PAPPA: variants seen among roughly 807,000 people sequenced by gnomAD.
The protein encoded by PAPPA is pappalysin 1.
Under a neutral mutation model 164.0 loss-of-function variants are expected in PAPPA, and 60 were observed. The observed-to-expected ratio is 0.37, with a 90% confidence interval of 0.30 to 0.45. PAPPA has a LOEUF of 0.45. PAPPA is among the 20% of genes least tolerant of loss of function. The probability of loss-of-function intolerance (pLI) is 1.00; values close to 1 mark genes in which losing one functional copy is unlikely to be tolerated. For synonymous variants in PAPPA, 875 were observed against 814.1 expected, an observed-to-expected ratio of 1.07 and a Z score of -1.27; for missense variants, 1,782 against 2,087.3, an observed-to-expected ratio of 0.85 and a Z score of 2.85.
intron 10 of PAPPA, among the ~76,000 whole-genome samples, chr9:116,326,475 T>G (rs1356259976): frequency 6.6e-6 from 1 of 152,190 alleles, no homozygotes; most frequent in African/African-American, 2.4e-5. Flanking sequence ...TAGACACCAT[T>G]AAATCTGTAC....
Position 116,341,694 on chromosome 9 carries a change from C to T in PAPPA, c.3612-2849C>T, listed in dbSNP as rs377175903. Among the ~76,000 whole-genome samples the T allele has an allele frequency of 1.4e-4, 22 of 152,332 alleles. 1 individual carries two copies. In the East Asian group the frequency reaches 4.0e-3, roughly 28 times the overall value. On this transcript the variant is annotated intron_variant, in intron 13 of 21. Transcript: ENST00000328252. ...CAGGCATCTTGTTTATCCCCTCCGT[C>T]CACTATATTCCCAATGTATAGAACA...
At chr9:116,292,822 G>T (rs536617690) in intron 9 of PAPPA, among the ~76,000 whole-genome samples, 2 of 152,218 alleles carry the variant, frequency 1.3e-5, no homozygotes, top group African/African-American at 2.4e-5. Context: ...AAAGAAAAAG[G>T]GGTCCCCATC....
chr9:116,395,997 G>A (rs1451291294), intron 21 of PAPPA, among the ~76,000 whole-genome samples: 2 of 152,094 alleles, frequency 1.3e-5, no homozygotes, highest in South Asian at 2.1e-4. Flanking sequence ...TACAGTGCAC[G>A]ACAATTTTCC....
At chr9:116,370,164 G>A (rs1350908194) in intron 19 of PAPPA, among the ~76,000 whole-genome samples, 1 of 152,148 alleles carries the variant, frequency 6.6e-6, no homozygotes, top group Admixed American at 6.5e-5. Context: ...TTTTATCCCC[G>A]GGGTAAGAGA....
At chr9:116,350,590 A>G (rs1037183475) in intron 15 of PAPPA, among the ~76,000 whole-genome samples, 2 of 152,248 alleles carry the variant, frequency 1.3e-5, no homozygotes, top group Admixed American at 6.5e-5. Flanking sequence ...TTTACCATAT[A>G]CATAGCTAAT....
intron 9 of PAPPA, among the ~76,000 whole-genome samples, chr9:116,292,328 G>A (rs2118869839): frequency 6.6e-6 from 1 of 152,294 alleles, no homozygotes; most frequent in African/African-American, 2.4e-5. Context: ...GGAAACAAAT[G>A]GTTGAGAAAA....
At chr9:116,223,282 C>T (rs545078580) in intron 5 of PAPPA, among the ~76,000 whole-genome samples, 3 of 152,180 alleles carry the variant, frequency 2.0e-5, no homozygotes, top group South Asian at 2.1e-4. Flanking sequence ...AAGTATCAGA[C>T]TTTTGGTCAA....
chr9:116,259,834 G>T (rs1354880855), intron 7 of PAPPA, among the ~76,000 whole-genome samples: 1 of 152,014 alleles, frequency 6.6e-6, no homozygotes, highest in Non-Finnish European at 1.5e-5. Context: ...CAGAGGAAAA[G>T]AACACAAATA....
intron 5 of PAPPA, among the ~76,000 whole-genome samples, chr9:116,224,630 G>A (rs1049181476): frequency 2.0e-5 from 3 of 152,144 alleles, no homozygotes; most frequent in South Asian, 2.1e-4. Flanking sequence ...CTGCAATAAC[G>A]GAAATATTCT....
chr9:116,268,291 C>A (rs1254581627), intron 8 of PAPPA, among the ~76,000 whole-genome samples: 2 of 152,190 alleles, frequency 1.3e-5, no homozygotes, highest in East Asian at 3.8e-4. Context: ...GTTTCCAATG[C>A]AGTAAAATTG....
At chr9:116,337,250 A>G (rs370466528) in intron 13 of PAPPA, among the ~76,000 whole-genome samples, 2 of 152,208 alleles carry the variant, frequency 1.3e-5, no homozygotes, top group African/African-American at 4.8e-5. Flanking sequence ...AGCTTGGATC[A>G]GGCTATGACA....
At position 116,189,758 on chromosome 9, in the gene PAPPA, C is replaced by T. The variant is rs927612276; in HGVS notation, c.1478+1542C>T. On this transcript the variant is annotated intron_variant, in intron 2 of 21. Coordinates refer to ENST00000328252, the MANE Select transcript of PAPPA (RefSeq NM_002581.5). Reference sequence around the variant, plus strand: ...CAGGACCCTGGACTTGCTGATGGCTCGAGCACATTTGCCGACCTCTGCAGG... The same window carrying T: ...CAGGACCCTGGACTTGCTGATGGCTTGAGCACATTTGCCGACCTCTGCAGG... Among the ~76,000 whole-genome samples, 88 of 152,198 alleles carry T rather than the reference C, an allele frequency of 5.8e-4. 2 individuals carry two copies. Among genetic ancestry groups the T allele is most frequent in the Non-Finnish European group, 1.0e-4 (7 of 68,042 alleles).
rs979908830 is a variant in PAPPA at position 116,191,890 on chromosome 9, C to T, written c.1478+3674C>T. On this transcript the variant is annotated intron_variant, in intron 2 of 21. Transcript: ENST00000328252. ...CAGGATTAAGGACAACCAACAAGGC[C>T]TTGTGCTATACTCTAGGGCGGGCAA... Among the ~76,000 whole-genome samples, 7 of 152,216 alleles carry T rather than the reference C, an allele frequency of 4.6e-5. No homozygotes were observed. In the South Asian group the frequency reaches 1.5e-3, roughly 32 times the overall value.
At chr9:116,274,925 G>A (rs1845179310) in intron 9 of PAPPA, among the ~76,000 whole-genome samples, 1 of 152,144 alleles carries the variant, frequency 6.6e-6, no homozygotes, top group African/African-American at 2.4e-5. Context: ...ACACCATTTT[G>A]CTGAGGATGG....
chr9:116,314,823 C>T (rs1477622659), intron 10 of PAPPA, among the ~76,000 whole-genome samples: 1 of 152,210 alleles, frequency 6.6e-6, no homozygotes, highest in East Asian at 1.9e-4. Flanking sequence ...CTGACAACCT[C>T]AGCCCATGAG....
intron 2 of PAPPA, among the ~76,000 whole-genome samples, chr9:116,201,510 C>T (rs948584290): frequency 6.6e-6 from 1 of 152,270 alleles, no homozygotes; most frequent in African/African-American, 2.4e-5. Flanking sequence ...GAGCGGGAAC[C>T]CAACAGGCAC....
intron 10 of PAPPA, among the ~76,000 whole-genome samples, chr9:116,309,354 G>T (rs1045961615): frequency 3.3e-5 from 5 of 152,138 alleles, no homozygotes; most frequent in Non-Finnish European, 5.9e-5. Flanking sequence ...GGGATTACAG[G>T]TGTGACCCAC....
chr9:116,229,720 G>A (rs1248999623), intron 6 of PAPPA, among the ~76,000 whole-genome samples: 1 of 152,200 alleles, frequency 6.6e-6, no homozygotes, highest in African/African-American at 2.4e-5. Flanking sequence ...TCAGACTGCT[G>A]TGTGAAGAAG....
At chr9:116,339,010 G>C (rs889817577) in intron 13 of PAPPA, among the ~76,000 whole-genome samples, 9 of 152,160 alleles carry the variant, frequency 5.9e-5, no homozygotes, top group Non-Finnish European at 1.5e-5. Flanking sequence ...TTCTAAGCAA[G>C]ACAAGTGACT....
Sources: gnomAD v4.1 joint callset for allele counts (sites outside exome capture counted in the v4.1 genomes callset) on GRCh38, gnomAD v4.1.1 for gene constraint, MANE v1.5 for transcripts, NCBI Gene and HGNC (gene_info 2026-07-23, HGNC 2026-07-21) for gene names.